The following OR3A2 variants were observed in gnomAD, a reference collection of about 807,000 sequenced individuals.
The protein encoded by OR3A2 is olfactory receptor 3A2.
For missense variants in OR3A2, 318 were observed against 392.8 expected (o/e 0.81, Z 1.61); for synonymous variants, 126 against 159.3 (o/e 0.79, Z 1.57).
At chr17:3,322,708 C>A (rs9747826) in intron 3 of OR3A2, among the ~76,000 whole-genome samples, 22,910 of 152,022 alleles carry the variant, frequency 0.15, 2,285 homozygotes, top group African/African-American at 0.28. Context: ...ATTCTGAGTT[C>A]TAGTTTGATT....
intron 2 of OR3A2, among the ~76,000 whole-genome samples, chr17:3,354,913 T>A (rs1364625442): frequency 2.6e-5 from 4 of 151,336 alleles, no homozygotes; most frequent in African/African-American, 7.3e-5. Context: ...ATTTCCCTCT[T>A]AGTATTGCTT....
At chr17:3,317,128 A>C (rs1252501742) in intron 3 of OR3A2, among the ~76,000 whole-genome samples, 2 of 152,228 alleles carry the variant, frequency 1.3e-5, no homozygotes, top group Non-Finnish European at 2.9e-5. Context: ...ACAGTGGATC[A>C]GATGAGCAGA....
intron 3 of OR3A2, among the ~76,000 whole-genome samples, chr17:3,333,435 T>C (rs1346345732): frequency 2.0e-5 from 3 of 152,184 alleles, no homozygotes; most frequent in Non-Finnish European, 4.4e-5. Context: ...TTGTGATCTT[T>C]ATTGGCCTCA....
chr17:3,295,179 G>T (rs564592940), intron 3 of OR3A2, among the ~76,000 whole-genome samples: 1 of 152,004 alleles, frequency 6.6e-6, no homozygotes, highest in African/African-American at 2.4e-5. Flanking sequence ...GAGATAGGAG[G>T]ACGTATGTGT....
intron 3 of OR3A2, among the ~76,000 whole-genome samples, chr17:3,316,033 G>A (rs1250124365): frequency 6.6e-6 from 1 of 152,072 alleles, no homozygotes; most frequent in Non-Finnish European, 1.5e-5. Flanking sequence ...CCTGAAGATT[G>A]AAATATCACC....
chr17:3,316,091 C>T (rs191834101), intron 3 of OR3A2, among the ~76,000 whole-genome samples: 4 of 152,244 alleles, frequency 2.6e-5, no homozygotes, highest in Admixed American at 1.3e-4. Flanking sequence ...AACAACCTGT[C>T]CCCCCAGCAC....
At chr17:3,349,597 C>A (rs2049401572) in intron 2 of OR3A2, among the ~76,000 whole-genome samples, 1 of 151,918 alleles carries the variant, frequency 6.6e-6, no homozygotes, top group Non-Finnish European at 1.5e-5. Context: ...ACTTTAACAC[C>A]CCACTGTCAA....
In OR3A2 at chr17:3,311,134, A is replaced by G. The variant is rs770545345; in HGVS notation, c.-85+24899T>C. The G allele has an allele frequency of 1.8e-6, 1 of 540,930 alleles. No homozygotes were observed. Among genetic ancestry groups the G allele is most frequent in the Admixed American group, 1.9e-5 (1 of 51,882 alleles). 33.5% of individuals were successfully genotyped at this position (540,930 alleles called of 1,614,324 possible). ...TCAGTGGAGTCTTCGGACAAGGACAAGGGCATTGGCATCCTCAACACTGTC... is the reference window on the plus strand; with the variant it reads ...TCAGTGGAGTCTTCGGACAAGGACAGGGGCATTGGCATCCTCAACACTGTC... On this transcript the variant is annotated intron_variant, in intron 3 of 4. Transcript: ENST00000573491. The surrounding 1 kb of genome is among the most constrained non-coding windows in gnomAD (Gnocchi z 4.6).
Position 3,354,488 on chromosome 17 carries a change from T to G in OR3A2, c.-178-18362A>C, listed in dbSNP as rs530495256. ...ATTATTGGTCTATTTGTATTTTGGATTTCTTTATGGTTTGATCTTGGTAGG... is the reference window on the plus strand; with the variant it reads ...ATTATTGGTCTATTTGTATTTTGGAGTTCTTTATGGTTTGATCTTGGTAGG... On this transcript the variant is annotated intron_variant, in intron 2 of 4. Coordinates refer to the OR3A2 transcript ENST00000573491. Among the ~76,000 whole-genome samples the G allele has an allele frequency of 5.3e-5, 8 of 151,386 alleles. No individual in the cohort carries two copies. The South Asian group carries it at 1.0e-3, about 20-fold the overall frequency.
At chr17:3,324,653 A>G (rs1372697242) in intron 3 of OR3A2, among the ~76,000 whole-genome samples, 1 of 152,080 alleles carries the variant, frequency 6.6e-6, no homozygotes, top group Non-Finnish European at 1.5e-5. Context: ...GGGTATCAGC[A>G]GTGGTGGCTG....
At chr17:3,298,223 G>A (rs2048935493) in intron 3 of OR3A2, 1 of 152,148 alleles carries the variant, frequency 6.6e-6, no homozygotes, top group Admixed American at 6.5e-5. Context: ...ACTGGTCTAT[G>A]TTTCCAAGAA....
intron 2 of OR3A2, among the ~76,000 whole-genome samples, chr17:3,344,585 A>C (rs1460953641): frequency 6.6e-6 from 1 of 152,138 alleles, no homozygotes; most frequent in Non-Finnish European, 1.5e-5. Flanking sequence ...CCCTTAATAA[A>C]GTTTGTAGGC....
chr17:3,338,422 T>C (rs2049289421), intron 2 of OR3A2, among the ~76,000 whole-genome samples: 1 of 152,162 alleles, frequency 6.6e-6, no homozygotes, highest in African/African-American at 2.4e-5. Context: ...ATTTAAGTCT[T>C]TAATCCATCT....
upstream of OR3A2, among the ~76,000 whole-genome samples, chr17:3,288,268 CA>C (rs1473932762): frequency 2.1e-5 from 2 of 96,824 alleles, no homozygotes; most frequent in Non-Finnish European, 4.5e-5. Flanking sequence ...AAAAAAAAGA[CA>C]AAAAAAGAAA....
rs371562440 is a variant in OR3A2 at position 3,311,033 on chromosome 17, C to G, written c.-85+25000G>C. 52 of 546,918 alleles carry G rather than the reference C, an allele frequency of 9.5e-5. No homozygotes were observed. The highest frequency in any genetic ancestry group is 8.2e-4 in the African/African-American group (43 of 52,266). 33.9% of individuals were successfully genotyped at this position (546,918 alleles called of 1,614,324 possible). A position where few individuals can be genotyped will look rare whatever the true frequency, so the allele number is the denominator to read the frequency against. On this transcript the variant is annotated intron_variant, in intron 3 of 4. Transcript: ENST00000573491. This position sits in a 1 kb window ranked among gnomAD's most constrained non-coding sequence, Gnocchi z 4.6. ...CTGCAGAGGGCAGAAAGAAAGCCTT[C>G]TCCACGTGTAGTTCCCACCTCACTG...
chr17:3,380,527 G>A (rs765912918), intron 2 of OR3A2, among the ~76,000 whole-genome samples: 17 of 152,144 alleles, frequency 1.1e-4, no homozygotes, highest in Non-Finnish European at 2.4e-4. Flanking sequence ...ACTCATCTCC[G>A]AATGCCTCCC....
intron 3 of OR3A2, among the ~76,000 whole-genome samples, chr17:3,290,599 A>G (rs2048856581): frequency 6.6e-6 from 1 of 152,222 alleles, no homozygotes; most frequent in South Asian, 2.1e-4. Flanking sequence ...TGGAAACAGC[A>G]GTGGCACAGC....
intron 3 of OR3A2, among the ~76,000 whole-genome samples, chr17:3,331,402 C>G (rs1242909856): frequency 6.6e-6 from 1 of 151,960 alleles, no homozygotes; most frequent in Non-Finnish European, 1.5e-5. Flanking sequence ...TTCTTGGAGG[C>G]TTTGCTCATT....
At chr17:3,336,412 T>C (rs2049274756) in intron 2 of OR3A2, among the ~76,000 whole-genome samples, 1 of 152,208 alleles carries the variant, frequency 6.6e-6, no homozygotes, top group South Asian at 2.1e-4. Context: ...TTTTCATACA[T>C]ATTTTGACAA....
Sources: gnomAD v4.1 joint callset for allele counts (sites outside exome capture counted in the v4.1 genomes callset) on GRCh38, gnomAD v4.1.1 for gene constraint, Gnocchi (gnomAD v3.1) non-coding constraint, MANE v1.5 for transcripts, NCBI Gene and HGNC (gene_info 2026-07-23, HGNC 2026-07-21) for gene names.